The following KNL1 variants were observed in gnomAD, a reference collection of about 807,000 sequenced individuals.
KNL1 encodes the protein kinetochore scaffold 1.
Under a neutral mutation model 201.3 loss-of-function variants are expected in KNL1, and 66 were observed. The observed-to-expected ratio is 0.33, with a 90% confidence interval of 0.27 to 0.40. The LOEUF (loss-of-function observed/expected upper bound fraction) is 0.40. Among genes scored for constraint, KNL1 ranks in the 10% least tolerant of loss-of-function variants. KNL1 has a pLI of 1.00. For missense variants in KNL1, 2,815 were observed against 2,690.5 expected, an observed-to-expected ratio of 1.05 and a Z score of -1.02; for synonymous variants, 895 against 899.2, an observed-to-expected ratio of 1.00 and a Z score of 0.08.
chr15:40,626,313 C>T (rs531109119), intron 10 of KNL1, among the ~76,000 whole-genome samples: 4 of 150,878 alleles, frequency 2.7e-5, no homozygotes, highest in South Asian at 4.2e-4. Flanking sequence ...GCACCACACC[C>T]GGCTAATTTC....
At chr15:40,608,718 C>G (rs1892056540) in intron 4 of KNL1, 129 bp from the exon 5 acceptor site, 2 of 596,154 alleles carry the variant, frequency 3.4e-6, no homozygotes, top group Non-Finnish European at 5.7e-6. Flanking sequence ...GCACTCCAGT[C>G]TGGGCAACAA....
At chr15:40,648,933 G>A (rs967643644) in intron 17 of KNL1, among the ~76,000 whole-genome samples, 3 of 147,264 alleles carry the variant, frequency 2.0e-5, no homozygotes, top group Admixed American at 6.9e-5. Context: ...AGATTCAAGC[G>A]ATTTTCCTGC....
At chr15:40,605,337 T>C (rs1348313047) in intron 3 of KNL1, among the ~76,000 whole-genome samples, 188 bp downstream of exon 3, 1 of 152,214 alleles carries the variant, frequency 6.6e-6, no homozygotes, top group Non-Finnish European at 1.5e-5. Context: ...ACTTTATGAA[T>C]TTTGTAGTAA....
chr15:40,618,924 T>G, intron 8 of KNL1, 35 bp from the exon 9 acceptor site: 2 of 1,455,678 alleles, frequency 1.4e-6, no homozygotes, highest in Non-Finnish European at 1.9e-6. Flanking sequence ...CAGTGTTATA[T>G]TTTCTGACTA....
Position 40,657,484 on chromosome 15 carries a change from T to G in KNL1, c.6713+11T>G. The G allele has an allele frequency of 1.5e-6, 2 of 1,324,016 alleles. No individual in the cohort carries two copies. Among genetic ancestry groups the G allele is most frequent in the Non-Finnish European group, 2.2e-6 (2 of 916,712 alleles). 82.0% of individuals were successfully genotyped at this position (1,324,016 alleles called of 1,614,324 possible). A position where few individuals can be genotyped will look rare whatever the true frequency, so the allele number is the denominator to read the frequency against. ...TATTAATAATAATGAGTAAGTGTAT[T>G]AGTTCCCAAGGACTGCCATGACAGA... On this transcript the variant is annotated intron_variant, in intron 24 of 25. Transcript: ENST00000399668.
chr15:40,655,813 G>A (rs1229350834), intron 22 of KNL1, among the ~76,000 whole-genome samples: 1 of 151,626 alleles, frequency 6.6e-6, no homozygotes, highest in Non-Finnish European at 1.5e-5. Flanking sequence ...CTACTTGGGA[G>A]GCTGAGGCAG....
rs7177192 is a variant in KNL1 at position 40,606,445 on chromosome 15, G to C, written c.128G>C (p.Arg43Thr). 1,240,258 of 1,539,926 alleles carry C rather than the reference G, an allele frequency of 0.81. 509,570 individuals are homozygous for C. Among genetic ancestry groups the C allele is most frequent in the Non-Finnish European group, 0.84 (939,421 of 1,113,420 alleles). Residue 43 changes from arginine (R) to threonine (T), a missense_variant, in exon 4 of 26, where the codon AGA becomes ACA. Around this residue, in one of 3 missense-constraint regions of KNL1, gnomAD observed 2,464 missense variants for 2,291.7 expected, o/e 1.08. Transcript: ENST00000399668. ...PLQDLRGGNE[R>T]VQESNALRNK... ...CAGGACCTCAGAGGTGGGAATGAAA[G>C]AGTTCAGGTAAGTCTTTTGTGCAAA...
chr15:40,651,693 T>C (rs150761370), intron 20 of KNL1, 121 bp downstream of exon 20: 13 of 635,868 alleles, frequency 2.0e-5, no homozygotes, highest in African/African-American at 1.1e-4. Context: ...CAGTGCTGTT[T>C]CAAAAAGAGT....
chr15:40,646,805 C>T, intron 16 of KNL1, 182 bp from the exon 17 acceptor site: 1 of 380,162 alleles, frequency 2.6e-6, no homozygotes, highest in South Asian at 3.4e-5. Flanking sequence ...TGCAATGAGC[C>T]CAGATGGCGC....
chr15:40,623,928 A>G lies in KNL1; in HGVS notation c.3664A>G (p.Lys1222Glu), dbSNP rs1293863193. The change falls in exon 10 of 26, where the codon AAA becomes GAA. Residue 1222 changes from lysine (K) to glutamate (E), a missense_variant. By Grantham distance (56) the Lys-to-Glu change is moderately conservative (BLOSUM62 1). Around this residue, in one of 3 missense-constraint regions of KNL1, gnomAD observed 2,464 missense variants for 2,291.7 expected, o/e 1.08. Coordinates refer to ENST00000399668, the MANE Select transcript of KNL1 (RefSeq NM_144508.5). ...AAAACAAGCACTGGCTGTAGGAAAC[A>G]AAATAGTTCTTCACACCGAGCAAAA... is the stretch of plus-strand genomic sequence containing the variant. ...AEKQALAVGN[K>E]IVLHTEQKQQ... 1 of 1,613,486 alleles carries G rather than the reference A, an allele frequency of 6.2e-7. No homozygotes were observed.
intron 10 of KNL1, chr15:40,625,892 C>T (rs1360142449): frequency 1.7e-5 from 7 of 401,012 alleles, no homozygotes; most frequent in Admixed American, 8.4e-5. Flanking sequence ...AAAAAGTAGC[C>T]AAAGTTAAAA....
chr15:40,607,274 G>A (rs746043961), intron 4 of KNL1, among the ~76,000 whole-genome samples: 7 of 152,170 alleles, frequency 4.6e-5, no homozygotes, highest in East Asian at 1.9e-4. Context: ...TCACACATGC[G>A]TGTGAAAACC....
At chr15:40,650,517 G>GTT (rs34904135) in intron 18 of KNL1, 27 bp from the exon 19 acceptor site, 7,210 of 1,403,138 alleles carry the variant, frequency 5.1e-3, no homozygotes, top group South Asian at 7.1e-3. Context: ...TGTTTGTTCT[G>GTT]TTTTTTTTTT....
chr15:40,646,685 A>G lies in KNL1; in HGVS notation c.6007-302A>G, dbSNP rs547952221. On this transcript the variant is annotated intron_variant, in intron 16 of 25. Coordinates refer to ENST00000399668, the MANE Select transcript of KNL1 (RefSeq NM_144508.5). The stretch of plus-strand genomic sequence containing the variant: ...ATCCTGGCTAACACGGTGAAACCCC[A>G]TCTCTACTAAAAATACAAAAAATTA... 1.8e-4 allele frequency: 32 copies of G among 176,938 alleles called. 1 individual carries two copies. The highest frequency in any genetic ancestry group is 1.3e-3 in the South Asian group (10 of 7,646). 11.0% of individuals were successfully genotyped at this position (176,938 alleles called of 1,614,324 possible). A position where few individuals can be genotyped will look rare whatever the true frequency, so the allele number is the denominator to read the frequency against.
chr15:40,629,864 G>A (rs1892863611), intron 13 of KNL1, among the ~76,000 whole-genome samples: 1 of 151,784 alleles, frequency 6.6e-6, no homozygotes, highest in Admixed American at 6.6e-5. Flanking sequence ...ATTTTCACAT[G>A]GATTTTTTTA....
chr15:40,652,322 A>G (rs1443197901), intron 21 of KNL1, among the ~76,000 whole-genome samples: 1 of 152,198 alleles, frequency 6.6e-6, no homozygotes, highest in East Asian at 1.9e-4. Flanking sequence ...TTGTTGAATT[A>G]CATTAAATAA....
intron 13 of KNL1, among the ~76,000 whole-genome samples, chr15:40,635,147 C>A (rs1046340972): frequency 9.3e-5 from 14 of 151,216 alleles, no homozygotes; most frequent in African/African-American, 3.4e-4. Context: ...CTCCTGGGTT[C>A]ATGCCATTCT....
chr15:40,604,799 C>T (rs1363509618), intron 2 of KNL1, among the ~76,000 whole-genome samples: 7 of 152,168 alleles, frequency 4.6e-5, no homozygotes, highest in African/African-American at 1.2e-4. Context: ...GTCTAAAAAT[C>T]GTATAGTAGT....
intron 13 of KNL1, among the ~76,000 whole-genome samples, chr15:40,629,796 C>T (rs567312274): frequency 2.0e-5 from 3 of 151,846 alleles, no homozygotes; most frequent in East Asian, 1.9e-4. Context: ...CCACTGCGCC[C>T]GGCCGAGAGT....
Sources: gnomAD v4.1 joint callset for allele counts (sites outside exome capture counted in the v4.1 genomes callset) on GRCh38, gnomAD v4.1.1 for gene constraint, gnomAD v4.1.1 regional missense constraint, MANE v1.5 for transcripts, NCBI Gene and HGNC (gene_info 2026-07-23, HGNC 2026-07-21) for gene names.